INTS2: variants seen among roughly 807,000 people sequenced by gnomAD.
INTS2 encodes KIAA1287.
Under a neutral mutation model 139.6 loss-of-function variants are expected in INTS2, and 57 were observed. The observed-to-expected ratio is 0.41, with a 90% CI of 0.33 to 0.51. The LOEUF (loss-of-function observed/expected upper bound fraction) is 0.51, where lower values mean the gene tolerates loss of function less well. Ranked by LOEUF, INTS2 falls within the 20% of genes least tolerant of loss-of-function variation. The pLI, the probability that INTS2 is intolerant of heterozygous loss-of-function variation, is 0.28. For synonymous variants in INTS2, 473 were observed against 493.4 expected (o/e 0.96, Z 0.55); for missense variants, 1,196 against 1,436.7 (o/e 0.83, Z 2.71).
At chr17:61,901,818 G>A (rs1427228006) in intron 9 of INTS2, among the ~76,000 whole-genome samples, 1 of 151,610 alleles carries the variant, frequency 6.6e-6, no homozygotes, top group Non-Finnish European at 1.5e-5. Flanking sequence ...GGATGGTCTC[G>A]ATCTCCTGAC....
chr17:61,914,419 G>A (rs1474961212), intron 5 of INTS2, among the ~76,000 whole-genome samples: 3 of 152,050 alleles, frequency 2.0e-5, no homozygotes, highest in Admixed American at 6.6e-5. Flanking sequence ...AGCTGGGCGC[G>A]CCAGGTGCAG....
chr17:61,917,786 C>G (rs1012281619), intron 5 of INTS2, among the ~76,000 whole-genome samples: 2 of 151,230 alleles, frequency 1.3e-5, no homozygotes, highest in Admixed American at 6.6e-5. Context: ...AATAAAACTT[C>G]GAATTTTTTT....
intron 14 of INTS2, among the ~76,000 whole-genome samples, chr17:61,890,966 C>G: frequency 9.9e-6 from 1 of 100,902 alleles, no homozygotes; most frequent in African/African-American, 4.0e-5. Flanking sequence ...CTGGGTGTCA[C>G]AGCAAGACTC....
chr17:61,927,594 G>A, intron 1 of INTS2, 60 bp downstream of exon 1: 4 of 1,219,258 alleles, frequency 3.3e-6, no homozygotes, highest in Non-Finnish European at 4.2e-6. Context: ...AGCAAAGTCT[G>A]GCCAGGCTCC....
At chr17:61,886,197 C>A (rs1466818047) in intron 15 of INTS2, among the ~76,000 whole-genome samples, 1 of 152,052 alleles carries the variant, frequency 6.6e-6, no homozygotes, top group Non-Finnish European at 1.5e-5. Flanking sequence ...ACTACAGGTG[C>A]CCGCCACCAC....
chr17:61,904,391 G>A, intron 9 of INTS2, 69 bp downstream of exon 9: 2 of 1,092,772 alleles, frequency 1.8e-6, no homozygotes, highest in Non-Finnish European at 2.7e-6. Flanking sequence ...CTTATCTAAT[G>A]CTATACAATT....
intron 16 of INTS2, among the ~76,000 whole-genome samples, chr17:61,883,471 C>T (rs1032548374): frequency 2.7e-5 from 4 of 145,656 alleles, no homozygotes; most frequent in South Asian, 2.2e-4. Context: ...GAAAAAATTC[C>T]GGCCAGGCAC....
chr17:61,897,793 G>T lies in INTS2; in HGVS notation c.1308-54C>A. ...GTTTAAATTAGATATACTAGCATAT[G>T]AATAAAAAGCATTCTGAAGTTATTT... On this transcript the variant is annotated intron_variant, in intron 9 of 24. Coordinates refer to ENST00000251334, the MANE Select transcript of INTS2 (RefSeq NM_001351695.2). The surrounding 1 kb of genome is among the most constrained non-coding windows in gnomAD (Gnocchi z 4.4). 1 of 1,164,720 alleles carries T rather than the reference G, an allele frequency of 8.6e-7. No homozygotes were observed. The highest frequency in any genetic ancestry group is 1.4e-5 in the South Asian group (1 of 71,600). 72.1% of individuals were successfully genotyped at this position (1,164,720 alleles called of 1,614,324 possible).
intron 9 of INTS2, among the ~76,000 whole-genome samples, chr17:61,900,633 T>C (rs2079394869): frequency 6.6e-6 from 1 of 152,128 alleles, no homozygotes; most frequent in Non-Finnish European, 1.5e-5. Context: ...CATTAGAGGT[T>C]CTAATATGCT....
chr17:61,920,180 CTTTTTT>C (rs772038233), intron 4 of INTS2, among the ~76,000 whole-genome samples: 3 of 119,144 alleles, frequency 2.5e-5, no homozygotes, highest in South Asian at 2.7e-4. Flanking sequence ...ATCTTATTTG[CTTTTTT>C]TTTTTTTTTT....
rs1055115114 is a variant in INTS2 at position 61,882,898 on chromosome 17, C to A, written c.2090-1727G>T. ...TAGTAGGAATCAAAGTACTTTAGAT[C>A]TAATTATCCTTTTATTATGCAAATC... On this transcript the variant is annotated intron_variant, in intron 16 of 24. Coordinates refer to ENST00000251334, the MANE Select transcript of INTS2 (RefSeq NM_001351695.2). This position sits in a 1 kb window ranked among gnomAD's most constrained non-coding sequence, Gnocchi z 4.7. Among the ~76,000 whole-genome samples the A allele has an allele frequency of 6.6e-6, 1 of 152,162 alleles. No individual in the cohort carries two copies. The highest frequency in any genetic ancestry group is 2.4e-5 in the African/African-American group (1 of 41,448).
At position 61,909,532 on chromosome 17, in the gene INTS2, G is replaced by A. The variant is rs1319098917; in HGVS notation, c.955-1898C>T. ...GATAGTATACCCTGTACCCAATATA[G>A]GTAACTTCTCAACCCTCACCCCCTT... On this transcript the variant is annotated intron_variant, in intron 7 of 24. Coordinates refer to ENST00000251334, the MANE Select transcript of INTS2 (RefSeq NM_001351695.2). This position sits in a 1 kb window ranked among gnomAD's most constrained non-coding sequence, Gnocchi z 4.9. Among the ~76,000 whole-genome samples the A allele has an allele frequency of 6.6e-6, 1 of 152,050 alleles. No individual in the cohort carries two copies. Among genetic ancestry groups the A allele is most frequent in the Non-Finnish European group, 1.5e-5 (1 of 68,000 alleles).
rs945540941 is a variant in INTS2, at chr17:61,875,773, T to A, written c.2457-735A>T. Among the ~76,000 whole-genome samples, 2 of 151,468 alleles carry A rather than the reference T, an allele frequency of 1.3e-5. No individual in the cohort carries two copies. The highest frequency in any genetic ancestry group is 2.1e-4 in the South Asian group (1 of 4,806). On this transcript the variant is annotated intron_variant, in intron 18 of 24. Coordinates refer to ENST00000251334, the MANE Select transcript of INTS2 (RefSeq NM_001351695.2). The surrounding 1 kb of genome is among the most constrained non-coding windows in gnomAD (Gnocchi z 4.6). Reference sequence around the variant, plus strand: ...AATGTAGGGATAAGGAGAAAAAAAATTTTCGAACTATTAATATCCTAAAAG... The same window carrying A: ...AATGTAGGGATAAGGAGAAAAAAAAATTTCGAACTATTAATATCCTAAAAG...
At chr17:61,926,836 G>A in intron 1 of INTS2, 174 bp from the exon 2 acceptor site, 1 of 636,842 alleles carries the variant, frequency 1.6e-6, no homozygotes, top group Non-Finnish European at 2.8e-6. Context: ...ACTGTCACCT[G>A]GGAAATGGGA....
At chr17:61,901,030 T>C (rs1183679712) in intron 9 of INTS2, among the ~76,000 whole-genome samples, 2 of 152,128 alleles carry the variant, frequency 1.3e-5, no homozygotes, top group Non-Finnish European at 2.9e-5. Flanking sequence ...GTTACAGCAC[T>C]CTGGGAGGCA....
In INTS2 at chr17:61,897,433, C is replaced by CA. The variant is rs2079360829; in HGVS notation, c.1494+35_1494+36insT. ...AACAAAATGTCCAGCTTAGAAACACCTTTTTTTTTTTAGAAAGAAGTTAAA... is the reference window on the plus strand; with the variant it reads ...AACAAAATGTCCAGCTTAGAAACACCATTTTTTTTTTTAGAAAGAAGTTAAA... On this transcript the variant is annotated intron_variant, in intron 11 of 24. Coordinates refer to ENST00000251334, the MANE Select transcript of INTS2 (RefSeq NM_001351695.2). The surrounding 1 kb of genome is among the most constrained non-coding windows in gnomAD (Gnocchi z 4.4). 1 of 990,216 alleles carries CA rather than the reference C, an allele frequency of 1.0e-6. No individual in the cohort carries two copies. The highest frequency in any genetic ancestry group is 1.4e-6 in the Non-Finnish European group (1 of 710,784). 61.3% of individuals were successfully genotyped at this position (990,216 alleles called of 1,614,324 possible).
At chr17:61,904,347 C>A in intron 9 of INTS2, 113 bp downstream of exon 9, 1 of 718,818 alleles carries the variant, frequency 1.4e-6, no homozygotes, top group Non-Finnish European at 2.3e-6. Flanking sequence ...AAAACTACGA[C>A]TGTCCATACC....
Position 61,909,498 on chromosome 17 carries a change from C to T in INTS2, c.955-1864G>A, listed in dbSNP as rs939716196. On this transcript the variant is annotated intron_variant, in intron 7 of 24. Coordinates refer to ENST00000251334, the MANE Select transcript of INTS2 (RefSeq NM_001351695.2). This position sits in a 1 kb window ranked among gnomAD's most constrained non-coding sequence, Gnocchi z 4.9. ...TAGAAGTCTGGGCTGTTGGTGTAGT[C>T]ATCACCCTGATAGTATACCCTGTAC... Among the ~76,000 whole-genome samples, 4 of 152,148 alleles carry T rather than the reference C, an allele frequency of 2.6e-5. No individual in the cohort carries two copies. Among genetic ancestry groups the T allele is most frequent in the Admixed American group, 2.6e-4 (4 of 15,268 alleles).
intron 17 of INTS2, among the ~76,000 whole-genome samples, chr17:61,878,356 A>G (rs2079144612): frequency 6.6e-6 from 1 of 151,968 alleles, no homozygotes; most frequent in Admixed American, 6.6e-5. Context: ...TGAGGTCAGG[A>G]GTTCGAGATC....
Sources: gnomAD v4.1 joint callset for allele counts (sites outside exome capture counted in the v4.1 genomes callset) on GRCh38, gnomAD v4.1.1 for gene constraint, Gnocchi (gnomAD v3.1) non-coding constraint, MANE v1.5 for transcripts, NCBI Gene and HGNC (gene_info 2026-07-23, HGNC 2026-07-21) for gene names.